Variants in XRN2 observed in about 807,000 individuals in gnomAD.
XRN2 encodes the protein DHM1-like protein.
In XRN2, 44 loss-of-function variants were observed where a neutral mutation model predicts 138.5. The ratio of observed to expected loss-of-function variants is 0.32; its 90% CI spans 0.25 to 0.41. The LOEUF is 0.41. Ranked by LOEUF, XRN2 falls within the 10% of genes least tolerant of loss-of-function variation. The pLI is 1.00. For missense variants in XRN2, 937 were observed against 1,169.3 expected (o/e 0.80, Z 2.90); for synonymous variants, 354 against 369.4 (o/e 0.96, Z 0.48).
chr20:21,375,010 C>CTTTTTTT (rs34212552), intron 27 of XRN2, among the ~76,000 whole-genome samples: 8 of 44,676 alleles, frequency 1.8e-4, no homozygotes, highest in Non-Finnish European at 2.5e-4. Flanking sequence ...TTGGTAAGTT[C>CTTTTTTT]TTTTTTTTTT....
At chr20:21,335,997 G>A (rs988288015) in intron 13 of XRN2, among the ~76,000 whole-genome samples, 7 of 152,134 alleles carry the variant, frequency 4.6e-5, no homozygotes, top group African/African-American at 1.4e-4. Context: ...GTATTTTTCT[G>A]GGAAGTATGT....
Position 21,303,368 on chromosome 20 carries a change from G to A in XRN2, c.-31G>A, listed in dbSNP as rs1051520233. The A allele has an allele frequency of 9.1e-6, 14 of 1,541,494 alleles. 1 individual carries two copies. In the African/African-American group the frequency reaches 1.3e-4, roughly 14 times the overall value. On this transcript the variant is annotated 5_prime_UTR_variant, in exon 1 of 30. Coordinates refer to ENST00000377191, the MANE Select transcript of XRN2 (RefSeq NM_012255.5). ...GTCTCTTTGGTTACGCTCGTCAGCC[G>A]GTCGGCCGCCGCCTCCAGCCGTGTG... is the stretch of plus-strand genomic sequence containing the variant.
chr20:21,357,190 G>A (rs1003318213), intron 23 of XRN2, among the ~76,000 whole-genome samples: 3 of 152,120 alleles, frequency 2.0e-5, no homozygotes, highest in Non-Finnish European at 2.9e-5. Flanking sequence ...ATGGGTAAAT[G>A]TTCATAAATA....
intron 13 of XRN2, 134 bp from the exon 14 acceptor site, chr20:21,338,910 G>A: frequency 4.0e-6 from 3 of 749,652 alleles, no homozygotes; most frequent in Admixed American, 2.7e-5. Context: ...CTTATTGCCT[G>A]GTTTAATCAT....
At chr20:21,345,325 A>G (rs2038422091) in intron 16 of XRN2, among the ~76,000 whole-genome samples, 3 of 152,210 alleles carry the variant, frequency 2.0e-5, no homozygotes, top group African/African-American at 7.2e-5. Flanking sequence ...CTACCAAGAA[A>G]TGCTTGGGGC....
rs372240037 is a variant in XRN2 at position 21,332,319 on chromosome 20, C to G, written c.737C>G (p.Pro246Arg). The change falls in exon 9 of 30, where the codon CCG becomes CGG. Residue 246 changes from proline to arginine, a missense_variant. This residue lies in a region of XRN2 where 471 missense variants were observed against 581.2 expected (regional missense o/e 0.81). Transcript: ENST00000377191. ...ATGCTTGGCCTTGCCACACATGAAC[C>G]GAACTTTACCATTATTAGAGAAGAA... Reference protein sequence around the residue: ...LIMLGLATHEPNFTIIREEFK... With the variant: ...LIMLGLATHERNFTIIREEFK... 1.9e-6 allele frequency: 3 copies of G among 1,613,392 alleles called. No individual in the cohort carries two copies. The highest frequency in any genetic ancestry group is 1.7e-5 in the Admixed American group (1 of 59,902).
chr20:21,313,510 C>T (rs1291094535), intron 1 of XRN2, among the ~76,000 whole-genome samples: 2 of 152,184 alleles, frequency 1.3e-5, no homozygotes, highest in Admixed American at 6.5e-5. Flanking sequence ...GTATGTATCA[C>T]AGAGGGTGGT....
intron 13 of XRN2, among the ~76,000 whole-genome samples, chr20:21,334,929 T>C (rs2038264685): frequency 6.6e-6 from 1 of 151,240 alleles, no homozygotes; most frequent in Non-Finnish European, 1.5e-5. Context: ...CAGAAGTCTT[T>C]TGAAGAGATT....
At chr20:21,364,122 G>T (rs1330979433) in intron 24 of XRN2, among the ~76,000 whole-genome samples, 1 of 152,024 alleles carries the variant, frequency 6.6e-6, no homozygotes, top group Non-Finnish European at 1.5e-5. Context: ...TAGTAGAGAT[G>T]GGGTTTCACT....
At chr20:21,345,038 C>T (rs1268911562) in intron 16 of XRN2, among the ~76,000 whole-genome samples, 1 of 152,180 alleles carries the variant, frequency 6.6e-6, no homozygotes, top group Non-Finnish European at 1.5e-5. Context: ...GCAAGGGTCA[C>T]GTGTGGTTCT....
At chr20:21,354,666 A>G in intron 20 of XRN2, 123 bp from the exon 21 acceptor site, 2 of 824,466 alleles carry the variant, frequency 2.4e-6, no homozygotes, top group Admixed American at 4.5e-5. Flanking sequence ...ATAAGAGTTC[A>G]GTTCCAAAAT....
At chr20:21,320,190 AG>A (rs2038017799) in intron 1 of XRN2, among the ~76,000 whole-genome samples, 1 of 152,048 alleles carries the variant, frequency 6.6e-6, no homozygotes, top group South Asian at 2.1e-4. Context: ...CTTGGTTGAC[AG>A]GGTTCTTTTG....
intron 1 of XRN2, among the ~76,000 whole-genome samples, chr20:21,324,556 A>G (rs572605825): frequency 6.8e-6 from 1 of 147,124 alleles, no homozygotes; most frequent in African/African-American, 2.5e-5. Context: ...TTCCAATCTC[A>G]CTTGCATCTC....
chr20:21,303,339 T>A lies in XRN2; in HGVS notation c.-60T>A. On this transcript the variant is annotated 5_prime_UTR_variant, in exon 1 of 30. Transcript: ENST00000377191. ...AAGTGCTGGTGCCCTCTGCCGCTGCTCCCGTCTCTTTGGTTACGCTCGTCA... is the reference window on the plus strand; with the variant it reads ...AAGTGCTGGTGCCCTCTGCCGCTGCACCCGTCTCTTTGGTTACGCTCGTCA... 6.5e-7 allele frequency: 1 copy of A among 1,532,242 alleles called. No homozygotes were observed. Among genetic ancestry groups the A allele is most frequent in the Non-Finnish European group, 8.8e-7 (1 of 1,137,624 alleles). 94.9% of individuals were successfully genotyped at this position (1,532,242 alleles called of 1,614,324 possible).
In XRN2 at chr20:21,348,423, GT is replaced by G. The variant is rs780638076; in HGVS notation, c.1857del (p.Ser619ArgfsTer7). The G allele has an allele frequency of 6.2e-7, 1 of 1,613,836 alleles. No individual in the cohort carries two copies. Among genetic ancestry groups the G allele is most frequent in the Admixed American group, 1.7e-5 (1 of 59,982 alleles). On this transcript the variant is annotated frameshift_variant, in exon 19 of 30. Transcript: ENST00000377191. LOFTEE classifies it high-confidence loss of function. ...CCTCCATCATGGCGGAAGCTCATGAGTGATCCTGTGAGTCTCAGTATTTTGA... is the reference window on the plus strand; with the variant it reads ...CCTCCATCATGGCGGAAGCTCATGAGGATCCTGTGAGTCTCAGTATTTTGA... ...FLPPSWRKLM[S>X]DPDSSIIDFY... is the part of the protein sequence containing the mutation.
At chr20:21,345,806 A>C (rs1460610063) in intron 16 of XRN2, among the ~76,000 whole-genome samples, 7 of 152,174 alleles carry the variant, frequency 4.6e-5, no homozygotes, top group East Asian at 1.9e-4. Flanking sequence ...ATGTCTCTCT[A>C]TATATATCTC....
chr20:21,341,194 A>G (rs1287254724), intron 15 of XRN2, among the ~76,000 whole-genome samples: 1 of 152,150 alleles, frequency 6.6e-6, no homozygotes, highest in South Asian at 2.1e-4. Context: ...CCCTTCTCCA[A>G]AGAATAGGGT....
intron 20 of XRN2, among the ~76,000 whole-genome samples, chr20:21,352,228 A>G (rs73130930): frequency 0.14 from 20,905 of 152,196 alleles, 1,780 homozygotes; most frequent in Non-Finnish European, 0.19. Context: ...TAATGATAAT[A>G]CTTAGTTAAG....
intron 4 of XRN2, among the ~76,000 whole-genome samples, chr20:21,330,244 A>G (rs1338498931): frequency 6.6e-6 from 1 of 152,172 alleles, no homozygotes; most frequent in Non-Finnish European, 1.5e-5. Flanking sequence ...AGATTGCACC[A>G]CTGCACTCCA....
Sources: gnomAD v4.1 joint callset for allele counts (sites outside exome capture counted in the v4.1 genomes callset) on GRCh38, gnomAD v4.1.1 for gene constraint, gnomAD v4.1.1 regional missense constraint, MANE v1.5 for transcripts, NCBI Gene and HGNC (gene_info 2026-07-23, HGNC 2026-07-21) for gene names.